The following CCDC160 variants were observed in gnomAD, a reference collection of about 807,000 sequenced individuals.
CCDC160 encodes coiled-coil domain containing 160.
For synonymous variants in CCDC160, 94 were observed against 79.4 expected (o/e 1.18, Z -0.98); for missense variants, 227 against 215.6 (o/e 1.05, Z -0.33).
At chrX:134,244,008 A>G (rs2077034956) in intron 1 of CCDC160, among the ~76,000 whole-genome samples, 1 of 111,746 alleles carries the variant, frequency 8.9e-6, no homozygotes, top group South Asian at 3.8e-4. Context: ...ATTTTTATAA[A>G]CTTGGAAAGT....
At chrX:134,237,641 G>A (rs2077014305) in intron 1 of CCDC160, among the ~76,000 whole-genome samples, 1 of 111,823 alleles carries the variant, frequency 8.9e-6, no homozygotes, top group African/African-American at 3.2e-5. Context: ...AATGGGGACC[G>A]AAGCAGCGCC....
exon 2 of CCDC160, chrX:134,245,283 C>T (rs867474517): frequency 8.4e-7 from 1 of 1,190,095 alleles, no homozygotes; most frequent in Admixed American, 2.4e-5. Flanking sequence ...ATATGAAATA[C>T]AGAAAAATAG....
At chrX:134,240,664 CTTTTTTTTTTTTT>C (rs3045487) in intron 1 of CCDC160, among the ~76,000 whole-genome samples, 13 of 27,169 alleles carry the variant, frequency 4.8e-4, no homozygotes, top group Non-Finnish European at 6.3e-4. Flanking sequence ...AAACCAAATT[CTTTTTTTTTTTTT>C]TTTTTTTTTT....
intron 1 of CCDC160, among the ~76,000 whole-genome samples, chrX:134,244,166 G>A (rs1000644689): frequency 9.0e-6 from 1 of 111,727 alleles, no homozygotes; most frequent in Non-Finnish European, 1.9e-5. Context: ...ATAGAATTCT[G>A]TACACTTGGC....
intron 1 of CCDC160, among the ~76,000 whole-genome samples, chrX:134,242,972 T>A (rs1300259252): frequency 1.8e-5 from 2 of 111,744 alleles, no homozygotes; most frequent in Non-Finnish European, 3.8e-5. Context: ...CTCTCTCTGT[T>A]CCTTTCCTCT....
rs115742687 is a variant in CCDC160, at chrX:134,245,557, G to A, written c.757G>A (p.Glu253Lys). Residue 253 changes from glutamate (E) to lysine (K), a missense_variant, in exon 2 of 2, where the codon GAG becomes AAG. Physicochemically the swap from Glu to Lys is moderately conservative, Grantham distance 56 (BLOSUM62 1). Coordinates refer to ENST00000370809, the Ensembl canonical transcript of CCDC160. ...TGTTAGGAAGTTAAAGCATCAAACC[G>A]AGGTTGGAAATGTGCTCCTAAAAGA... The A allele has an allele frequency of 3.8e-4, 456 of 1,199,531 alleles. 2 individuals are homozygous for A. In the African/African-American group the frequency reaches 7.0e-3, roughly 19 times the overall value.
chrX:134,245,101 T>C (rs2077038337), exon 2 of CCDC160: 1 of 1,188,138 alleles, frequency 8.4e-7, no homozygotes, highest in East Asian at 3.0e-5. Context: ...CTATGAATCA[T>C]CTAATGTGGA....
intron 1 of CCDC160, among the ~76,000 whole-genome samples, chrX:134,240,664 C>CTTT (rs3045487): frequency 0.042 from 1,146 of 27,174 alleles, 231 homozygotes; most frequent in Non-Finnish European, 0.052. Flanking sequence ...AAACCAAATT[C>CTTT]TTTTTTTTTT....
intron 1 of CCDC160, among the ~76,000 whole-genome samples, chrX:134,239,346 T>A (rs2077020436): frequency 8.9e-6 from 1 of 112,087 alleles, no homozygotes; most frequent in East Asian, 2.8e-4. Flanking sequence ...AAGTTATTGG[T>A]GCCTCTGAAA....
At chrX:134,246,367 C>G (rs1185640139), downstream of CCDC160, among the ~76,000 whole-genome samples, 3 of 111,580 alleles carry the variant, frequency 2.7e-5, no homozygotes, top group Non-Finnish European at 5.6e-5. Flanking sequence ...CAGGCTTTCT[C>G]CTTTGACCTG....
intron 1 of CCDC160, among the ~76,000 whole-genome samples, chrX:134,244,175 G>T (rs1256568666): frequency 1.8e-5 from 2 of 111,650 alleles, no homozygotes; most frequent in African/African-American, 3.3e-5. Context: ...TGTACACTTG[G>T]CAGTCTTGCC....
At chrX:134,244,720 A>G (rs1484702420) in intron 1 of CCDC160, 57 bp from the exon 3 acceptor site, 1 of 1,007,001 alleles carries the variant, frequency 9.9e-7, no homozygotes, top group Non-Finnish European at 1.3e-6. Flanking sequence ...TCTTTCTACT[A>G]TATTAGCTAC....
At chrX:134,240,436 A>C (rs1369355235) in intron 1 of CCDC160, among the ~76,000 whole-genome samples, 2 of 111,330 alleles carry the variant, frequency 1.8e-5, no homozygotes, top group African/African-American at 6.5e-5. Flanking sequence ...TAAGCGACTG[A>C]GGATAATGAC....
rs751641687 is a variant in CCDC160 at position 134,242,927 on chromosome X, A to T, written c.-24-1850A>T. On this transcript the variant is annotated intron_variant, in intron 1 of 1. Transcript: ENST00000370809. ...TTGGGTAAAAATTTGACTGCTAAAAAATGTGACTGGCAATTAACATCACCC... is the reference window on the plus strand; with the variant it reads ...TTGGGTAAAAATTTGACTGCTAAAATATGTGACTGGCAATTAACATCACCC... Among the ~76,000 whole-genome samples, 5 of 111,456 alleles carry T rather than the reference A, an allele frequency of 4.5e-5. No homozygotes were observed. The South Asian group carries it at 1.5e-3, about 34-fold the overall frequency.
At chrX:134,240,866 C>T (rs1368311145) in intron 1 of CCDC160, among the ~76,000 whole-genome samples, 1 of 106,348 alleles carries the variant, frequency 9.4e-6, no homozygotes, top group African/African-American at 3.4e-5. Flanking sequence ...TTTGTAGACA[C>T]GCATCTCACT....
At chrX:134,243,565 T>G (rs944879768) in intron 1 of CCDC160, among the ~76,000 whole-genome samples, 22 of 112,207 alleles carry the variant, frequency 2.0e-4, no homozygotes, top group African/African-American at 7.1e-4. Flanking sequence ...AGATTCCTTC[T>G]GTTTTCTGTG....
rs777606357 is a variant in CCDC160 at position 134,245,441 on chromosome X, C to G, written c.641C>G (p.Ala214Gly). ...TTAAGAAATGACCTGTCTGAAAAAG[C>G]AACAAATGTAAAAAACTTAAGTGAA... Residue 214 changes from alanine (A) to glycine (G), a missense_variant, in exon 2 of 2, where the codon GCA becomes GGA. Coordinates refer to ENST00000370809, the Ensembl canonical transcript of CCDC160. 7 of 1,181,349 alleles carry G rather than the reference C, an allele frequency of 5.9e-6. No homozygotes were observed. The African/African-American group carries it at 1.2e-4, about 21-fold the overall frequency.
At chrX:134,240,664 CTTTTTTTTTTTTTTTTTTTTTT>C (rs3045487) in intron 1 of CCDC160, among the ~76,000 whole-genome samples, 2 of 27,165 alleles carry the variant, frequency 7.4e-5, no homozygotes, top group African/African-American at 1.6e-4. Flanking sequence ...AAACCAAATT[CTTTTTTTTTTTTTTTTTTTTTT>C]TTTTTTTTTT....
chrX:134,242,480 T>C (rs906968994), intron 1 of CCDC160, among the ~76,000 whole-genome samples: 2 of 110,592 alleles, frequency 1.8e-5, no homozygotes, highest in African/African-American at 6.6e-5. Context: ...TCAGTAGCTA[T>C]ATAGGCTTCA....
Sources: gnomAD v4.1 joint callset for allele counts (sites outside exome capture counted in the v4.1 genomes callset) on GRCh38, gnomAD v4.1.1 for gene constraint, MANE v1.5 for transcripts, NCBI Gene and HGNC (gene_info 2026-07-23, HGNC 2026-07-21) for gene names.